The following MRM1 variants were observed in gnomAD, a reference collection of about 807,000 sequenced individuals.
MRM1 encodes rRNA methyltransferase 1, mitochondrial.
MRM1 carries 24 observed loss-of-function variants against 25.0 expected under a neutral mutation model. The ratio of observed to expected loss-of-function variants is 0.96; its 90% CI spans 0.69 to 1.35. The LOEUF (loss-of-function observed/expected upper bound fraction) is 1.35, where lower values mean the gene tolerates loss of function less well. MRM1 is among the 40% of genes most tolerant of loss of function. The probability of loss-of-function intolerance (pLI) is 0.00; values close to 1 mark genes in which losing one functional copy is unlikely to be tolerated. For synonymous variants in MRM1, 188 were observed against 199.2 expected (o/e 0.94, Z 0.47); for missense variants, 431 against 464.1 (o/e 0.93, Z 0.65).
In MRM1 at chr17:36,602,233, C is replaced by T. The variant is rs758168462; in HGVS notation, c.423C>T (p.Asp141=). 1.2e-6 allele frequency: 2 copies of T among 1,610,566 alleles called. No homozygotes were observed. The highest frequency in any genetic ancestry group is 1.7e-6 in the Non-Finnish European group (2 of 1,178,030). ...AGGCCGGGGAGGCGAGCCCAGGCGA[C>T]GACCCCCAGCAGTTGTGGCTCGTCC... ...WREAGEASPG[D]DPQQLWLVLD... is the part of the protein sequence containing the mutation. Residue 141 remains aspartate, a synonymous_variant, in exon 1 of 5, where the codon GAC becomes GAT. Transcript: ENST00000614766. The surrounding 1 kb of genome is among the most constrained non-coding windows in gnomAD (Gnocchi z 4.1).
intron 2 of MRM1, 52 bp from the exon 3 acceptor site, chr17:36,607,616 ATC>A (rs1436834073): frequency 6.4e-7 from 1 of 1,556,478 alleles, no homozygotes; most frequent in African/African-American, 1.4e-5. Context: ...GTAAGACCCT[ATC>A]TCAAAATTAA....
At chr17:36,630,974 A>G in the MRM1 span, among the ~76,000 whole-genome samples, 1 of 152,134 alleles carries the variant, frequency 6.6e-6, no homozygotes, top group East Asian at 1.9e-4. Context: ...GCTTAACTCT[A>G]TGTGGCTGCC....
chr17:36,608,268 C>T lies in MRM1; in HGVS notation c.915C>T (p.Ser305=). The stretch of plus-strand genomic sequence containing the variant: ...GAATTCTTCTTCACTCCATTTGCAG[C>T]CAGAGGAAGGGTTTCCCCACAGAGG... ...AAGILLHSIC[S]QRKGFPTEGE... is the part of the protein sequence containing the mutation. Residue 305 remains serine (S), a synonymous_variant, in exon 5 of 5, where the codon AGC becomes AGT. Coordinates refer to ENST00000614766, the MANE Select transcript of MRM1 (RefSeq NM_024864.5). 6.3e-7 allele frequency: 1 copy of T among 1,581,394 alleles called. No homozygotes were observed. Among genetic ancestry groups the T allele is most frequent in the Non-Finnish European group, 8.6e-7 (1 of 1,166,316 alleles).
At chr17:36,610,052 A>G (rs939048508), downstream of MRM1, among the ~76,000 whole-genome samples, 1 of 151,298 alleles carries the variant, frequency 6.6e-6, no homozygotes, top group Non-Finnish European at 1.5e-5. Context: ...CAGCCTTCCA[A>G]GTGGCTGGGA....
chr17:36,617,958 G>T, the MRM1 span, among the ~76,000 whole-genome samples: 1 of 152,156 alleles, frequency 6.6e-6, no homozygotes. Context: ...GGGGCTGATC[G>T]ATAGCAGCCG....
chr17:36,615,401 C>T, the MRM1 span, among the ~76,000 whole-genome samples: 1 of 152,202 alleles, frequency 6.6e-6, no homozygotes, highest in Non-Finnish European at 1.5e-5. Flanking sequence ...TGGCTCATGC[C>T]TGTAATCTCA....
Position 36,608,200 on chromosome 17 carries a change from C to T in MRM1, c.890-43C>T, listed in dbSNP as rs775802422. ...AATGTCTAGGTCTCTAAACATCATC[C>T]TTCTCCTCCGTCCTCTCTTCCCTTG... On this transcript the variant is annotated intron_variant, in intron 4 of 4. Coordinates refer to ENST00000614766, the MANE Select transcript of MRM1 (RefSeq NM_024864.5). The T allele has an allele frequency of 5.9e-6, 9 of 1,533,366 alleles. No individual in the cohort carries two copies. The African/African-American group carries it at 1.2e-4, about 21-fold the overall frequency. 95.0% of individuals were successfully genotyped at this position (1,533,366 alleles called of 1,614,324 possible).
the MRM1 span, among the ~76,000 whole-genome samples, chr17:36,629,473 G>C: frequency 6.6e-6 from 1 of 152,202 alleles, no homozygotes; most frequent in Non-Finnish European, 1.5e-5. Context: ...TCTGACATTG[G>C]ACAATCCTCT....
downstream of MRM1, among the ~76,000 whole-genome samples, chr17:36,612,029 A>G (rs1487161527): frequency 1.1e-4 from 16 of 152,336 alleles, no homozygotes; most frequent in East Asian, 2.9e-3. Flanking sequence ...TGCTCCCTGC[A>G]TATGGGATGC....
At chr17:36,607,401 G>A (rs1357796711) in intron 2 of MRM1, among the ~76,000 whole-genome samples, 3 of 151,770 alleles carry the variant, frequency 2.0e-5, no homozygotes, top group East Asian at 2.0e-4. Context: ...TGGGAGGATC[G>A]CTTGAAGCCA....
chr17:36,634,003 C>T, the MRM1 span: 1 of 152,206 alleles, frequency 6.6e-6, no homozygotes, highest in Admixed American at 6.5e-5. Flanking sequence ...TTTCTCAGCC[C>T]CCAGTTACTT....
At chr17:36,632,129 A>T in the MRM1 span, among the ~76,000 whole-genome samples, 1 of 152,014 alleles carries the variant, frequency 6.6e-6, no homozygotes, top group Non-Finnish European at 1.5e-5. Flanking sequence ...TGCTGGGATT[A>T]CAGCTCCACA....
At position 36,607,802 on chromosome 17, in the gene MRM1, G is replaced by T. The variant is rs536068764; in HGVS notation, c.769G>T (p.Gly257Trp). The change falls in exon 3 of 5, where the codon GGG becomes TGG. Residue 257 changes from glycine (G) to tryptophan (W), a missense_variant and splice_region_variant. Transcript: ENST00000614766. ...LWERPTLLVL[G>W]NEGSGLSQEV... ...GGAACGGCCTACTCTCCTTGTGCTGGGTAGGTGGATGTCCCTGCGTTTGTG... is the reference window on the plus strand; with the variant it reads ...GGAACGGCCTACTCTCCTTGTGCTGTGTAGGTGGATGTCCCTGCGTTTGTG... 9 of 1,613,802 alleles carry T rather than the reference G, an allele frequency of 5.6e-6. No homozygotes were observed. Among genetic ancestry groups the T allele is most frequent in the Non-Finnish European group, 7.6e-6 (9 of 1,179,958 alleles).
At chr17:36,618,290 A>G in the MRM1 span, among the ~76,000 whole-genome samples, 1 of 152,160 alleles carries the variant, frequency 6.6e-6, no homozygotes, top group Non-Finnish European at 1.5e-5. Flanking sequence ...TCAAGTATTT[A>G]TTGAGCACCT....
At chr17:36,609,118 G>A (rs1189382553), downstream of MRM1, 1 of 152,274 alleles carries the variant, frequency 6.6e-6, no homozygotes, top group African/African-American at 2.4e-5. Context: ...ACCCCACGGG[G>A]GCCCCCCACG....
At chr17:36,633,917 G>A in the MRM1 span, among the ~76,000 whole-genome samples, 1 of 152,086 alleles carries the variant, frequency 6.6e-6, no homozygotes, top group Non-Finnish European at 1.5e-5. Flanking sequence ...GTGACTCTCC[G>A]GGCTCCACTG....
chr17:36,615,740 A>G, the MRM1 span, among the ~76,000 whole-genome samples: 2 of 152,012 alleles, frequency 1.3e-5, no homozygotes, highest in Non-Finnish European at 2.9e-5. Flanking sequence ...TCATGCCTGT[A>G]ATCCCAGTAC....
Position 36,602,454 on chromosome 17 carries a change from C to T in MRM1, c.543-99C>T. The T allele has an allele frequency of 6.3e-7, 1 of 1,587,638 alleles. No individual in the cohort carries two copies. Among genetic ancestry groups the T allele is most frequent in the East Asian group, 2.2e-5 (1 of 44,592 alleles). On this transcript the variant is annotated intron_variant, in intron 1 of 4. Coordinates refer to ENST00000614766, the MANE Select transcript of MRM1 (RefSeq NM_024864.5). The surrounding 1 kb of genome is among the most constrained non-coding windows in gnomAD (Gnocchi z 4.1). ...GATCCCTTAGCCAGACTTACCTGTC[C>T]CAGAACTCTCATCCCCCTAGCCCTT...
chr17:36,607,819 G>T lies in MRM1; in HGVS notation c.769+17G>T. On this transcript the variant is annotated intron_variant, in intron 3 of 4. Transcript: ENST00000614766. ...TTGTGCTGGGTAGGTGGATGTCCCT[G>T]CGTTTGTGCCCAGATTACATTTCCC... is the stretch of plus-strand genomic sequence containing the variant. 1 of 1,613,530 alleles carries T rather than the reference G, an allele frequency of 6.2e-7. No homozygotes were observed. The highest frequency in any genetic ancestry group is 1.3e-5 in the African/African-American group (1 of 74,992).
Sources: allele counts gnomAD v4.1 joint callset (sites outside exome capture counted in the v4.1 genomes callset), GRCh38; gene constraint gnomAD v4.1.1; non-coding constraint Gnocchi (gnomAD v3.1); transcripts MANE v1.5; gene names NCBI Gene and HGNC (gene_info 2026-07-23, HGNC 2026-07-21).